NIN: variants seen among roughly 807,000 people sequenced by gnomAD.
NIN encodes the protein glycogen synthase kinase 3 beta-interacting protein.
NIN carries 137 observed loss-of-function variants against 257.6 expected under a neutral mutation model. That is an observed-to-expected ratio of 0.53 (90% CI 0.46 to 0.61). NIN has a LOEUF of 0.61. Ranked by LOEUF, NIN falls within the 20% of genes least tolerant of loss-of-function variation. The pLI is 0.00. For synonymous variants in NIN, 918 were observed against 919.8 expected, an observed-to-expected ratio of 1.00 and a Z score of 0.04; for missense variants, 2,439 against 2,501.2, an observed-to-expected ratio of 0.98 and a Z score of 0.53.
chr14:50,800,085 C>A (rs2044029035), intron 4 of NIN, among the ~76,000 whole-genome samples: 1 of 151,762 alleles, frequency 6.6e-6, no homozygotes, highest in Non-Finnish European at 1.5e-5. Flanking sequence ...AAAATTCTCA[C>A]CAGCCCTATT....
chr14:50,828,379 A>T (rs928997429), intron 2 of NIN, among the ~76,000 whole-genome samples: 3 of 152,358 alleles, frequency 2.0e-5, no homozygotes, highest in South Asian at 2.1e-4. Context: ...CCTAATTTCA[A>T]ACAAGGATGC....
chr14:50,793,229 A>C (rs577830826), intron 4 of NIN, among the ~76,000 whole-genome samples: 2 of 152,110 alleles, frequency 1.3e-5, no homozygotes, highest in Admixed American at 1.3e-4. Context: ...ATGGGGAGAC[A>C]TCATATTAAC....
intron 4 of NIN, among the ~76,000 whole-genome samples, chr14:50,801,112 A>G (rs1484130962): frequency 8.3e-6 from 1 of 120,684 alleles, no homozygotes; most frequent in East Asian, 2.5e-4. Flanking sequence ...TTTTTTTGAG[A>G]CAGAGTCTCG....
intron 12 of NIN, among the ~76,000 whole-genome samples, chr14:50,769,746 C>A (rs1048431305): frequency 6.6e-6 from 1 of 152,098 alleles, no homozygotes; most frequent in Non-Finnish European, 1.5e-5. Flanking sequence ...AAGTGATATG[C>A]CTGCCTCGGC....
intron 2 of NIN, among the ~76,000 whole-genome samples, chr14:50,828,222 ATCTTC>A (rs2045552883): frequency 6.6e-6 from 1 of 152,254 alleles, no homozygotes; most frequent in African/African-American, 2.4e-5. Context: ...AGTGAAGGTG[ATCTTC>A]TCTTCTCACG....
chr14:50,770,694 C>T (rs939607042), intron 11 of NIN, 132 bp from the exon 12 acceptor site: 7 of 1,341,232 alleles, frequency 5.2e-6, no homozygotes, highest in Non-Finnish European at 7.1e-6. Context: ...ACCCTGCTTT[C>T]CCTTAGGGCT....
chr14:50,748,045 T>C lies in NIN; in HGVS notation c.5011A>G (p.Ile1671Val), dbSNP rs61746444. ...AGAAGGTGGTTTTCCTGTTGCACAA[T>C]ATGGGTCTGTATTTTAACTTCAGAG... The part of the protein sequence containing the change: ...ELSEVKIQTH[I>V]VQQENHLLKD... Residue 1671 changes from isoleucine (I) to valine (V), a missense_variant, in exon 22 of 31, where the codon ATT becomes GTT. By Grantham distance (29) the Ile-to-Val change is conservative. This residue lies in a region of NIN where 2,043 missense variants were observed against 2,050.2 expected (regional missense o/e 1.00). Transcript: ENST00000530997. 2,394 of 1,614,060 alleles carry C rather than the reference T, an allele frequency of 1.5e-3. 28 individuals carry two copies. In the African/African-American group the frequency reaches 0.027, roughly 18 times the overall value.
chr14:50,778,316 G>A (rs548747968), intron 6 of NIN, among the ~76,000 whole-genome samples: 28 of 152,222 alleles, frequency 1.8e-4, no homozygotes, highest in Non-Finnish European at 1.3e-4. Context: ...TAGCTGGGAC[G>A]ACAGGCATGT....
In NIN at chr14:50,778,621, A is replaced by G. The variant is rs2043009264; in HGVS notation, c.475+144T>C. The G allele has an allele frequency of 3.7e-5, 27 of 723,260 alleles. No individual in the cohort carries two copies. The South Asian group carries it at 3.9e-4, about 10-fold the overall frequency. The allele number at this position is 723,260 out of a possible 1,614,324, so 44.8% of individuals were successfully genotyped here. A position where few individuals can be genotyped will look rare whatever the true frequency, so the allele number is the denominator to read the frequency against. On this transcript the variant is annotated intron_variant, in intron 6 of 30. Transcript: ENST00000530997. ...TGCTAGGATTTTAAAACTAAAAGCT[A>G]TCAATTGGGAATAAATTTTTTGTTG...
At chr14:50,769,979 G>T (rs1021963277) in intron 12 of NIN, among the ~76,000 whole-genome samples, 1 of 151,818 alleles carries the variant, frequency 6.6e-6, no homozygotes, top group Admixed American at 6.6e-5. Flanking sequence ...TTTGGAGGCC[G>T]GGAGAAACAG....
At chr14:50,821,077 C>G (rs553945235) in intron 3 of NIN, among the ~76,000 whole-genome samples, 8 of 152,128 alleles carry the variant, frequency 5.3e-5, no homozygotes, top group Non-Finnish European at 1.0e-4. Context: ...CTCATCATTC[C>G]AAAATCCAAC....
chr14:50,763,843 C>A lies in NIN; in HGVS notation c.1757G>T (p.Gly586Val), dbSNP rs2042370993. The A allele has an allele frequency of 6.2e-7, 1 of 1,613,864 alleles. No individual in the cohort carries two copies. The highest frequency in any genetic ancestry group is 1.3e-5 in the African/African-American group (1 of 74,908). Residue 586 changes from glycine (G) to valine (V), a missense_variant, in exon 15 of 31, where the codon GGC (glycine) becomes GTC (valine). Physicochemically the swap from Gly to Val is moderately radical, Grantham distance 109 (BLOSUM62 -3). This residue lies in a region of NIN where 2,043 missense variants were observed against 2,050.2 expected (regional missense o/e 1.00). Transcript: ENST00000530997. ...GTGTTTACCGTGTTCGGGCTCAATG[C>A]CACCGCTGTTAGCCTCAACTTCTTC... ...PSEEVEANSGGIEPEHGLGSE... is the reference protein window; with the variant it reads ...PSEEVEANSGVIEPEHGLGSE...
At chr14:50,806,870 C>A in intron 3 of NIN, 52 bp from the exon 4 acceptor site, 1 of 872,806 alleles carries the variant, frequency 1.1e-6, no homozygotes, top group Admixed American at 2.1e-5. Flanking sequence ...TCTAAGAATG[C>A]AAACCTATCT....
At chr14:50,737,135 C>G (rs184337583) in intron 27 of NIN, among the ~76,000 whole-genome samples, 1 of 152,124 alleles carries the variant, frequency 6.6e-6, no homozygotes, top group African/African-American at 2.4e-5. Context: ...GTATGTCACT[C>G]GCAGGATTAG....
intron 22 of NIN, among the ~76,000 whole-genome samples, chr14:50,746,035 A>T (rs201903435): frequency 8.5e-5 from 6 of 70,742 alleles, no homozygotes; most frequent in Non-Finnish European, 9.3e-5. Context: ...ATGCTTGTTT[A>T]AAAAAAAAAA....
chr14:50,759,587 G>A (rs1052801846), intron 17 of NIN, among the ~76,000 whole-genome samples: 7 of 151,802 alleles, frequency 4.6e-5, no homozygotes, highest in Admixed American at 6.6e-5. Flanking sequence ...TCCGCCTCCC[G>A]GGTTCACGCC....
At chr14:50,772,165 C>T (rs1402146744) in intron 9 of NIN, 136 bp downstream of exon 9, 2 of 835,976 alleles carry the variant, frequency 2.4e-6, no homozygotes, top group Non-Finnish European at 3.6e-6. Context: ...AAAAAAGTTA[C>T]CTTTTATCTT....
chr14:50,725,193 T>C (rs1239837465), intron 30 of NIN, among the ~76,000 whole-genome samples: 1 of 152,188 alleles, frequency 6.6e-6, no homozygotes, highest in African/African-American at 2.4e-5. Context: ...GGGGTTGTTA[T>C]TCTTAGCTTT....
chr14:50,786,634 TAA>T (rs535160610), intron 5 of NIN, among the ~76,000 whole-genome samples: 1 of 144,312 alleles, frequency 6.9e-6, no homozygotes. Context: ...GGAATTCCAT[TAA>T]AAAAAAAAAA....
Sources: allele counts gnomAD v4.1 joint callset (sites outside exome capture counted in the v4.1 genomes callset), GRCh38; gene constraint gnomAD v4.1.1; regional missense constraint gnomAD v4.1.1; transcripts MANE v1.5; gene names NCBI Gene and HGNC (gene_info 2026-07-23, HGNC 2026-07-21).